RSU1: variants seen among roughly 807,000 people sequenced by gnomAD.
RSU1 encodes Ras suppressor protein 1.
A neutral mutation model predicts 31.1 loss-of-function variants in RSU1; 26 were observed. The observed-to-expected ratio is 0.84, with a 90% CI of 0.61 to 1.16. The LOEUF (loss-of-function observed/expected upper bound fraction) is 1.16, where lower values mean the gene tolerates loss of function less well. RSU1 is among the 50% of genes most tolerant of loss of function. The pLI is 0.00. For synonymous variants in RSU1, 164 were observed against 136.3 expected (o/e 1.20, Z -1.41); for missense variants, 320 against 339.1 (o/e 0.94, Z 0.44).
intron 7 of RSU1, among the ~76,000 whole-genome samples, chr10:16,731,262 T>C (rs1291747364): frequency 6.6e-6 from 1 of 152,030 alleles, no homozygotes; most frequent in Non-Finnish European, 1.5e-5. Context: ...ACCCCGTCTC[T>C]ACTAAAAAAT....
chr10:16,717,254 A>T (rs1836162210), intron 7 of RSU1, among the ~76,000 whole-genome samples: 1 of 152,094 alleles, frequency 6.6e-6, no homozygotes, highest in South Asian at 2.1e-4. Context: ...GAGGCTGGAG[A>T]TGGTGAGTGT....
intron 2 of RSU1, among the ~76,000 whole-genome samples, chr10:16,786,759 G>A (rs1259469782): frequency 2.6e-5 from 4 of 152,050 alleles, no homozygotes; most frequent in Non-Finnish European, 4.4e-5. Flanking sequence ...CGAGAACTCC[G>A]CTTCGTTGGC....
intron 2 of RSU1, among the ~76,000 whole-genome samples, chr10:16,810,224 G>GA (rs1838381064): frequency 6.6e-6 from 1 of 150,930 alleles, no homozygotes; most frequent in South Asian, 2.1e-4. Flanking sequence ...GAGTGAGACT[G>GA]TGTCTCAAAA....
chr10:16,712,038 T>C lies in RSU1; in HGVS notation c.599-16883A>G, dbSNP rs186064324. On this transcript the variant is annotated intron_variant, in intron 7 of 8. Coordinates refer to ENST00000345264, the MANE Select transcript of RSU1 (RefSeq NM_012425.4). Reference sequence around the variant, plus strand: ...TTTCAGGGTTGAGTGCATATGTATTTGTTACAATATTCTCTTATTGAATTT... The same window carrying C: ...TTTCAGGGTTGAGTGCATATGTATTCGTTACAATATTCTCTTATTGAATTT... Among the ~76,000 whole-genome samples, 127 of 152,352 alleles carry C rather than the reference T, an allele frequency of 8.3e-4. 3 individuals carry two copies. The highest frequency in any genetic ancestry group is 3.9e-3 in the South Asian group (19 of 4,834).
At chr10:16,770,028 C>T (rs1837391468) in intron 3 of RSU1, among the ~76,000 whole-genome samples, 1 of 152,072 alleles carries the variant, frequency 6.6e-6, no homozygotes, top group African/African-American at 2.4e-5. Context: ...TCATCATGAC[C>T]AAGGGTAGTC....
chr10:16,593,271 A>C lies in RSU1; in HGVS notation c.*123T>G. ...GTAAGGTGGGAAGCATTAGAAAGAG[A>C]GTGAAAAGAAAAATAAAAAAGGCCT... On this transcript the variant is annotated 3_prime_UTR_variant, in exon 9 of 9. Transcript: ENST00000345264. 1.3e-6 allele frequency: 2 copies of C among 1,487,774 alleles called. No homozygotes were observed. Among genetic ancestry groups the C allele is most frequent in the Non-Finnish European group, 1.8e-6 (2 of 1,116,606 alleles). 92.2% of individuals were successfully genotyped at this position (1,487,774 alleles called of 1,614,324 possible).
chr10:16,600,655 G>A (rs1833702418), intron 8 of RSU1, among the ~76,000 whole-genome samples: 1 of 151,482 alleles, frequency 6.6e-6, no homozygotes, highest in East Asian at 1.9e-4. Flanking sequence ...ATTGACCGCT[G>A]TGCTCAAGCG....
At chr10:16,609,372 G>C (rs761077763) in intron 8 of RSU1, among the ~76,000 whole-genome samples, 57 of 152,284 alleles carry the variant, frequency 3.7e-4, no homozygotes, top group Admixed American at 9.8e-4. Flanking sequence ...TGTGGCTGTG[G>C]GTGGGGAGGG....
chr10:16,754,466 A>G (rs961157515), intron 5 of RSU1, among the ~76,000 whole-genome samples: 2 of 152,182 alleles, frequency 1.3e-5, no homozygotes, highest in African/African-American at 4.8e-5. Context: ...TGGTTTATTA[A>G]TAAATATTTT....
intron 8 of RSU1, among the ~76,000 whole-genome samples, chr10:16,626,990 A>G (rs1321422401): frequency 6.6e-6 from 1 of 152,222 alleles, no homozygotes; most frequent in Non-Finnish European, 1.5e-5. Context: ...TGTGAATGCA[A>G]AGCATTTTCT....
chr10:16,639,847 T>A (rs1588688425), intron 8 of RSU1, among the ~76,000 whole-genome samples: 1 of 152,352 alleles, frequency 6.6e-6, no homozygotes, highest in South Asian at 2.1e-4. Context: ...CAAGCGGACA[T>A]TTGGTTTAGC....
At chr10:16,640,478 C>T (rs551338634) in intron 8 of RSU1, among the ~76,000 whole-genome samples, 38 of 152,314 alleles carry the variant, frequency 2.5e-4, no homozygotes, top group African/African-American at 8.4e-4. Context: ...TCTGATCACA[C>T]CCCTGCCCTT....
At chr10:16,683,513 T>G (rs182828841) in intron 8 of RSU1, among the ~76,000 whole-genome samples, 2 of 152,328 alleles carry the variant, frequency 1.3e-5, no homozygotes, top group East Asian at 3.9e-4. Context: ...ACGCACATAC[T>G]TTTGATTGAT....
intron 7 of RSU1, among the ~76,000 whole-genome samples, chr10:16,749,366 T>C (rs1397108241): frequency 1.3e-5 from 2 of 152,186 alleles, no homozygotes; most frequent in African/African-American, 2.4e-5. Flanking sequence ...TTGGCTCAAA[T>C]ACCAGTACCA....
At chr10:16,604,811 C>G (rs1432466029) in intron 8 of RSU1, among the ~76,000 whole-genome samples, 2 of 152,134 alleles carry the variant, frequency 1.3e-5, no homozygotes, top group Non-Finnish European at 2.9e-5. Flanking sequence ...ACCCTGGGTG[C>G]CGTAACTGGT....
intron 2 of RSU1, among the ~76,000 whole-genome samples, chr10:16,787,282 T>C (rs996351429): frequency 1.1e-4 from 17 of 152,090 alleles, no homozygotes. Flanking sequence ...CCCTTTCAAT[T>C]ATCCAACACG....
At chr10:16,715,075 T>A (rs1836112304) in intron 7 of RSU1, among the ~76,000 whole-genome samples, 1 of 152,244 alleles carries the variant, frequency 6.6e-6, no homozygotes, top group Non-Finnish European at 1.5e-5. Flanking sequence ...CTCGCTCACC[T>A]GTCCATGGTG....
intron 8 of RSU1, among the ~76,000 whole-genome samples, chr10:16,667,648 G>A (rs559095161): frequency 2.0e-5 from 3 of 151,880 alleles, no homozygotes; most frequent in Admixed American, 6.6e-5. Context: ...CCACCACACC[G>A]GGCTAAGTTT....
chr10:16,796,211 G>C (rs931689809), intron 2 of RSU1, among the ~76,000 whole-genome samples: 1 of 152,122 alleles, frequency 6.6e-6, no homozygotes, highest in South Asian at 2.1e-4. Context: ...CTTGGATTTT[G>C]ATTCTCTCCC....
Sources: gnomAD v4.1 joint callset for allele counts (sites outside exome capture counted in the v4.1 genomes callset) on GRCh38, gnomAD v4.1.1 for gene constraint, MANE v1.5 for transcripts, NCBI Gene and HGNC (gene_info 2026-07-23, HGNC 2026-07-21) for gene names.